CHSY3: variants seen among roughly 807,000 people sequenced by gnomAD.
The protein encoded by CHSY3 is N-acetylgalactosaminyl-proteoglycan 3-beta-glucuronosyltransferase 3.
A neutral mutation model predicts 67.2 loss-of-function variants in CHSY3; 35 were observed. The ratio of observed to expected loss-of-function variants is 0.52; its 90% CI spans 0.40 to 0.69. CHSY3 has a LOEUF of 0.69. Among genes scored for constraint, CHSY3 ranks in the 30% least tolerant of loss-of-function variants. The pLI, the probability that CHSY3 is intolerant of heterozygous loss-of-function variation, is 0.00. For synonymous variants in CHSY3, 474 were observed against 434.7 expected (o/e 1.09, Z -1.12); for missense variants, 1,069 against 1,138.5 (o/e 0.94, Z 0.88).
At chr5:130,017,080 G>T (rs1013898168) in intron 2 of CHSY3, among the ~76,000 whole-genome samples, 4 of 152,194 alleles carry the variant, frequency 2.6e-5, no homozygotes, top group Non-Finnish European at 4.4e-5. Context: ...GGAATTGAAA[G>T]ACACTGATAC....
chr5:130,132,612 G>C lies in CHSY3; in HGVS notation c.1087-51617G>C, dbSNP rs116067851. On this transcript the variant is annotated intron_variant, in intron 2 of 2. Transcript: ENST00000305031. Reference sequence around the variant, plus strand: ...GTATCCTCTCTCTGTTTTAGCAACTGGATCTGATTAGGGTAGCAAGAATGA... The same window carrying C: ...GTATCCTCTCTCTGTTTTAGCAACTCGATCTGATTAGGGTAGCAAGAATGA... Among the ~76,000 whole-genome samples the C allele has an allele frequency of 9.8e-3, 1,490 of 152,226 alleles. 30 individuals are homozygous for C. The highest frequency in any genetic ancestry group is 0.034 in the African/African-American group (1,417 of 41,528).
At chr5:129,982,487 C>A (rs945812742) in intron 2 of CHSY3, among the ~76,000 whole-genome samples, 3 of 151,896 alleles carry the variant, frequency 2.0e-5, no homozygotes, top group Non-Finnish European at 2.9e-5. Flanking sequence ...ATTGTAAGGG[C>A]AGTTACATAA....
chr5:129,963,405 C>G (rs1762388752), intron 2 of CHSY3, among the ~76,000 whole-genome samples: 1 of 151,972 alleles, frequency 6.6e-6, no homozygotes, highest in Non-Finnish European at 1.5e-5. Context: ...TGTCAGAGTC[C>G]AGCATGAGCA....
At chr5:130,158,315 C>T (rs945418562) in intron 2 of CHSY3, among the ~76,000 whole-genome samples, 1 of 152,118 alleles carries the variant, frequency 6.6e-6, no homozygotes, top group Non-Finnish European at 1.5e-5. Context: ...CAGGAGCATG[C>T]CTTTGAAGCC....
At chr5:130,035,212 T>C (rs1460834926) in intron 2 of CHSY3, among the ~76,000 whole-genome samples, 1 of 151,968 alleles carries the variant, frequency 6.6e-6, no homozygotes, top group African/African-American at 2.4e-5. Flanking sequence ...AAATGAGAGA[T>C]GGTGGTAACT....
At chr5:129,905,714 C>G in intron 1 of CHSY3, 83 bp downstream of exon 1, 1 of 1,544,502 alleles carries the variant, frequency 6.5e-7, no homozygotes, top group East Asian at 2.3e-5. Flanking sequence ...TGCCCAGCCC[C>G]TCCGCTGCTT....
chr5:130,029,790 G>T (rs1240791411), intron 2 of CHSY3, among the ~76,000 whole-genome samples: 1 of 151,988 alleles, frequency 6.6e-6, no homozygotes, highest in East Asian at 1.9e-4. Flanking sequence ...AGCATTGGTT[G>T]CCCACTGTGG....
intron 2 of CHSY3, among the ~76,000 whole-genome samples, chr5:130,093,779 T>G (rs1034383035): frequency 6.6e-6 from 1 of 152,066 alleles, no homozygotes; most frequent in Admixed American, 6.6e-5. Context: ...CATCCTTTAA[T>G]TTTTTTAGCC....
intron 2 of CHSY3, among the ~76,000 whole-genome samples, chr5:130,131,400 A>G (rs1003671611): frequency 2.6e-5 from 4 of 152,186 alleles, no homozygotes; most frequent in African/African-American, 7.2e-5. Flanking sequence ...GAGCTCTTCT[A>G]AAATTGTAAA....
chr5:130,001,555 C>A, intron 2 of CHSY3: 1 of 888,470 alleles, frequency 1.1e-6, no homozygotes, highest in Non-Finnish European at 1.3e-6. Flanking sequence ...TGGAGAGTCC[C>A]TCCTGTCCTT....
chr5:130,062,894 T>G (rs1765759721), intron 2 of CHSY3, among the ~76,000 whole-genome samples: 1 of 152,116 alleles, frequency 6.6e-6, no homozygotes, highest in Non-Finnish European at 1.5e-5. Context: ...ATATAGATTT[T>G]TTTTACACAT....
chr5:130,009,993 A>G (rs1407149639), intron 2 of CHSY3, among the ~76,000 whole-genome samples: 2 of 152,144 alleles, frequency 1.3e-5, no homozygotes, highest in African/African-American at 4.8e-5. Context: ...AAAACAAGTA[A>G]TTAGAGACCA....
chr5:129,921,246 C>T (rs1208314118), intron 2 of CHSY3, among the ~76,000 whole-genome samples: 2 of 152,130 alleles, frequency 1.3e-5, no homozygotes, highest in African/African-American at 4.8e-5. Flanking sequence ...TTAAGTAAAA[C>T]ATGTACTATG....
rs35994744 is a variant in CHSY3 at position 130,080,037 on chromosome 5, TACACAC to T, written c.1087-104164_1087-104159del. 5.9e-3 allele frequency among the ~76,000 whole-genome samples: 844 copies of T among 143,418 alleles called. 9 individuals carry two copies. Among genetic ancestry groups the T allele is most frequent in the African/African-American group, 0.02 (804 of 39,334 alleles). 94.1% of individuals were successfully genotyped at this position (143,418 alleles called of 152,430 possible). ...AGCCCTTCAGAAATACACCTGAACA[TACACAC>T]ACACACACACACACACACACACACA... On this transcript the variant is annotated intron_variant, in intron 2 of 2. Coordinates refer to ENST00000305031, the MANE Select transcript of CHSY3 (RefSeq NM_175856.5).
chr5:130,089,546 A>G (rs1225101093), intron 2 of CHSY3, among the ~76,000 whole-genome samples: 1 of 152,086 alleles, frequency 6.6e-6, no homozygotes, highest in East Asian at 1.9e-4. Context: ...GTGTTCATTG[A>G]CTTAAATTTT....
At chr5:130,045,826 TG>T (rs1353070047) in intron 2 of CHSY3, among the ~76,000 whole-genome samples, 1 of 152,000 alleles carries the variant, frequency 6.6e-6, no homozygotes, top group Non-Finnish European at 1.5e-5. Flanking sequence ...TTGCTCAGAG[TG>T]GGTAAAAGCT....
chr5:129,908,966 C>A (rs1205491866), intron 2 of CHSY3, among the ~76,000 whole-genome samples: 1 of 152,068 alleles, frequency 6.6e-6, no homozygotes, highest in Non-Finnish European at 1.5e-5. Context: ...TGGAAAAAAG[C>A]AGAAGTTTAA....
In CHSY3 at chr5:129,962,352, G is replaced by T. The variant is rs565354701; in HGVS notation, c.1086+53992G>T. On this transcript the variant is annotated intron_variant, in intron 2 of 2. Coordinates refer to ENST00000305031, the MANE Select transcript of CHSY3 (RefSeq NM_175856.5). ...TCTGTCCCCAAGTCTTGTTGCTATT[G>T]CCTCCTAAATATCTCCTTTAAATCC... Among the ~76,000 whole-genome samples, 3 of 151,876 alleles carry T rather than the reference G, an allele frequency of 2.0e-5. No individual in the cohort carries two copies. In the East Asian group the frequency reaches 5.8e-4, roughly 30 times the overall value.
intron 2 of CHSY3, among the ~76,000 whole-genome samples, chr5:130,067,938 G>A (rs1765936108): frequency 6.6e-6 from 1 of 152,094 alleles, no homozygotes; most frequent in South Asian, 2.1e-4. Context: ...CCATAGTTTA[G>A]GTCTATGAAA....
Sources: gnomAD v4.1 joint callset for allele counts (sites outside exome capture counted in the v4.1 genomes callset) on GRCh38, gnomAD v4.1.1 for gene constraint, MANE v1.5 for transcripts, NCBI Gene and HGNC (gene_info 2026-07-23, HGNC 2026-07-21) for gene names.